The following GDPD4 variants were observed in gnomAD, a reference collection of about 807,000 sequenced individuals.
GDPD4 encodes glycerophosphodiester phosphodiesterase 6.
Under a neutral mutation model 67.8 loss-of-function variants are expected in GDPD4, and 60 were observed. That is an observed-to-expected ratio of 0.88 (90% CI 0.72 to 1.10). The LOEUF (loss-of-function observed/expected upper bound fraction) is 1.10. GDPD4 is among the 50% of genes least tolerant of loss of function. The pLI is 0.00. For synonymous variants in GDPD4, 212 were observed against 210.9 expected (o/e 1.00, Z -0.04); for missense variants, 623 against 613.9 (o/e 1.01, Z -0.16).
chr11:77,227,742 A>G (rs1367960054), intron 16 of GDPD4, 122 bp downstream of exon 16: 1 of 623,908 alleles, frequency 1.6e-6, no homozygotes, highest in Admixed American at 2.1e-5. Flanking sequence ...CCCTCCCCCA[A>G]CCCCACCCCC....
At chr11:77,254,185 C>T (rs138137775) in intron 11 of GDPD4, among the ~76,000 whole-genome samples, 10 of 152,056 alleles carry the variant, frequency 6.6e-5, no homozygotes, top group African/African-American at 2.4e-4. Flanking sequence ...AGGTAGCTAC[C>T]CCAGCTGGGC....
At chr11:77,248,677 C>A (rs1377129908) in intron 11 of GDPD4, among the ~76,000 whole-genome samples, 1 of 151,806 alleles carries the variant, frequency 6.6e-6, no homozygotes, top group Non-Finnish European at 1.5e-5. Flanking sequence ...GTCAGAAGAA[C>A]ATCTCTTTCT....
At chr11:77,252,941 T>A (rs1958935544) in intron 11 of GDPD4, among the ~76,000 whole-genome samples, 1 of 152,224 alleles carries the variant, frequency 6.6e-6, no homozygotes, top group Non-Finnish European at 1.5e-5. Flanking sequence ...ACTGAGGGGA[T>A]CCCTCTTGGT....
intron 13 of GDPD4, among the ~76,000 whole-genome samples, chr11:77,240,751 A>G (rs1222191916): frequency 6.6e-6 from 1 of 152,220 alleles, no homozygotes; most frequent in African/African-American, 2.4e-5. Flanking sequence ...ACCCAATGAA[A>G]AAATGGGCTA....
chr11:77,259,788 A>G (rs1347349444), intron 10 of GDPD4, among the ~76,000 whole-genome samples: 1 of 152,188 alleles, frequency 6.6e-6, no homozygotes, highest in Non-Finnish European at 1.5e-5. Context: ...ACACAGTTCC[A>G]AGAAAATATG....
intron 7 of GDPD4, among the ~76,000 whole-genome samples, 156 bp from the exon 8 acceptor site, chr11:77,270,116 T>C (rs1020204271): frequency 2.6e-5 from 4 of 152,206 alleles, no homozygotes; most frequent in Non-Finnish European, 4.4e-5. Context: ...CTTGCCTGCA[T>C]ACCCCCACAG....
Position 77,285,144 on chromosome 11 carries a change from C to G in GDPD4, c.-7G>C, listed in dbSNP as rs1216166250. On this transcript the variant is annotated 5_prime_UTR_variant, in exon 3 of 17. Transcript: ENST00000315938. ...TCCACAGGAACAGCAACATCAGAGA[C>G]AAGACAAATGAAATTACCAGGCACG... 16 of 1,609,134 alleles carry G rather than the reference C, an allele frequency of 9.9e-6. No homozygotes were observed. The highest frequency in any genetic ancestry group is 1.4e-5 in the Non-Finnish European group (16 of 1,176,210).
intron 13 of GDPD4, among the ~76,000 whole-genome samples, chr11:77,242,805 A>G (rs1958695670): frequency 6.6e-6 from 1 of 152,142 alleles, no homozygotes; most frequent in Non-Finnish European, 1.5e-5. Flanking sequence ...CCAACGCTAA[A>G]AGAAAAAAAG....
chr11:77,300,173 AC>A (rs973314287), intron 1 of GDPD4, among the ~76,000 whole-genome samples: 1 of 151,690 alleles, frequency 6.6e-6, no homozygotes, highest in African/African-American at 2.4e-5. Context: ...CACCTGCTCC[AC>A]CCTCACTCCC....
intron 13 of GDPD4, among the ~76,000 whole-genome samples, chr11:77,241,715 C>T (rs1289715339): frequency 8.1e-5 from 12 of 147,382 alleles, no homozygotes; most frequent in Non-Finnish European, 1.3e-4. Flanking sequence ...GATGCCGAGG[C>T]GGGTGGATCA....
chr11:77,235,009 G>GGTTTTTTTTTT (rs1958524240), intron 13 of GDPD4, among the ~76,000 whole-genome samples: 24 of 52,264 alleles, frequency 4.6e-4, no homozygotes, highest in Non-Finnish European at 7.0e-4. Context: ...GTCAATATCT[G>GGTTTTTTTTTT]TTTTTTTTTT....
At chr11:77,236,378 C>A (rs887698384) in intron 13 of GDPD4, among the ~76,000 whole-genome samples, 1 of 152,076 alleles carries the variant, frequency 6.6e-6, no homozygotes, top group African/African-American at 2.4e-5. Context: ...GTTCCCCATC[C>A]TGTGTCCAAG....
chr11:77,220,001 T>A (rs542186685), intron 16 of GDPD4, among the ~76,000 whole-genome samples: 32 of 152,224 alleles, frequency 2.1e-4, no homozygotes, highest in Non-Finnish European at 3.7e-4. Flanking sequence ...CCTGAGATTT[T>A]GCTGAAGTTG....
At chr11:77,246,697 C>T (rs1958790526) in intron 11 of GDPD4, among the ~76,000 whole-genome samples, 1 of 152,042 alleles carries the variant, frequency 6.6e-6, no homozygotes, top group Non-Finnish European at 1.5e-5. Flanking sequence ...GGGAGTATGT[C>T]TGGTACATAG....
chr11:77,235,368 T>C (rs1958541668), intron 13 of GDPD4, among the ~76,000 whole-genome samples: 1 of 152,030 alleles, frequency 6.6e-6, no homozygotes, highest in African/African-American at 2.4e-5. Flanking sequence ...CCTACAATAA[T>C]TAAAACAATC....
chr11:77,228,219 C>G (rs1958380336), intron 15 of GDPD4, among the ~76,000 whole-genome samples: 1 of 151,090 alleles, frequency 6.6e-6, no homozygotes, highest in African/African-American at 2.4e-5. Context: ...CAGGCATGGG[C>G]CAGGCAGGGT....
At chr11:77,244,557 G>A (rs1256644682) in intron 12 of GDPD4, among the ~76,000 whole-genome samples, 1 of 152,156 alleles carries the variant, frequency 6.6e-6, no homozygotes, top group Non-Finnish European at 1.5e-5. Context: ...TCATCTTTGA[G>A]GCTGGGTGTG....
At chr11:77,295,050 C>T (rs1283559506) in intron 1 of GDPD4, among the ~76,000 whole-genome samples, 2 of 149,700 alleles carry the variant, frequency 1.3e-5, no homozygotes, top group Non-Finnish European at 3.0e-5. Flanking sequence ...CTCACTACAA[C>T]CTCTGCCTCC....
At chr11:77,244,816 T>A (rs188305169) in intron 12 of GDPD4, among the ~76,000 whole-genome samples, 1 of 152,362 alleles carries the variant, frequency 6.6e-6, no homozygotes, top group Admixed American at 6.5e-5. Context: ...TGAGAATTTA[T>A]GGGATTTGGA....
Sources: gnomAD v4.1 joint callset for allele counts (sites outside exome capture counted in the v4.1 genomes callset) on GRCh38, gnomAD v4.1.1 for gene constraint, MANE v1.5 for transcripts, NCBI Gene and HGNC (gene_info 2026-07-23, HGNC 2026-07-21) for gene names.